Variants in EEA1 observed in about 807,000 individuals in gnomAD.
EEA1 encodes the protein early endosome antigen 1, 162kD.
In EEA1, 111 loss-of-function variants were observed where a neutral mutation model predicts 209.2. The ratio of observed to expected loss-of-function variants is 0.53; its 90% CI spans 0.45 to 0.62. EEA1 has a LOEUF of 0.62. Ranked by LOEUF, EEA1 falls within the 20% of genes least tolerant of loss-of-function variation. The probability of loss-of-function intolerance (pLI) is 0.00; values close to 1 mark genes in which losing one functional copy is unlikely to be tolerated. For missense variants in EEA1, 1,343 were observed against 1,530.8 expected, an observed-to-expected ratio of 0.88 and a Z score of 2.05; for synonymous variants, 536 against 540.6, an observed-to-expected ratio of 0.99 and a Z score of 0.12.
At chr12:92,798,158 T>C (rs1292153049) in intron 21 of EEA1, among the ~76,000 whole-genome samples, 3 of 152,060 alleles carry the variant, frequency 2.0e-5, no homozygotes, top group African/African-American at 7.2e-5. Context: ...ACCATTACAG[T>C]GTAACTTAAA....
In EEA1 at chr12:92,906,821, A is replaced by G. The variant is rs114881083; in HGVS notation, c.25-15100T>C. The stretch of plus-strand genomic sequence containing the variant: ...AGAGCTAGACTCTGTCTCAAAATAA[A>G]AAAAAAATTAAATAAAATGTAACTT... On this transcript the variant is annotated intron_variant, in intron 1 of 28. Coordinates refer to ENST00000322349, the MANE Select transcript of EEA1 (RefSeq NM_003566.4). 7.9e-3 allele frequency among the ~76,000 whole-genome samples: 1,209 copies of G among 152,230 alleles called. 14 individuals carry two copies. Among genetic ancestry groups the G allele is most frequent in the African/African-American group, 0.028 (1,148 of 41,526 alleles).
intron 1 of EEA1, among the ~76,000 whole-genome samples, chr12:92,928,804 G>A (rs939268566): frequency 1.3e-5 from 2 of 151,456 alleles, no homozygotes; most frequent in African/African-American, 4.8e-5. Context: ...GGAGCCCCGC[G>A]CCGGAGCGGG....
At chr12:92,812,737 A>T (rs894380378) in intron 16 of EEA1, among the ~76,000 whole-genome samples, 11 of 152,194 alleles carry the variant, frequency 7.2e-5, no homozygotes, top group Non-Finnish European at 4.4e-5. Flanking sequence ...GGAGAAGGAC[A>T]ATATCAGGAA....
intron 9 of EEA1, among the ~76,000 whole-genome samples, chr12:92,846,065 T>G (rs1877377560): frequency 6.6e-6 from 1 of 152,204 alleles, no homozygotes; most frequent in African/African-American, 2.4e-5. Flanking sequence ...AGAATTAAAA[T>G]TATTGTTTTA....
chr12:92,816,705 A>G (rs913650652), intron 14 of EEA1, among the ~76,000 whole-genome samples: 2 of 152,232 alleles, frequency 1.3e-5, no homozygotes, highest in African/African-American at 2.4e-5. Flanking sequence ...ACTAGCCATC[A>G]CCACAATCAA....
Position 92,816,417 on chromosome 12 carries a change from A to T in EEA1, c.1729-17T>A, listed in dbSNP as rs1875787440. 6.2e-7 allele frequency: 1 copy of T among 1,607,146 alleles called. No homozygotes were observed. The highest frequency in any genetic ancestry group is 2.2e-5 in the East Asian group (1 of 44,788). On this transcript the variant is annotated splice_polypyrimidine_tract_variant and intron_variant, in intron 14 of 28. Transcript: ENST00000322349. ...TTGAGTTACCTGTTATACAAGTAAG[A>T]CTAATCGTGAAGTTCACAAATGACA... is the stretch of plus-strand genomic sequence containing the variant.
intron 3 of EEA1, chr12:92,858,202 T>C (rs1185876387): frequency 5.7e-6 from 4 of 699,158 alleles, no homozygotes; most frequent in African/African-American, 3.5e-5. Context: ...AGTGAGGCTG[T>C]CCTTGATGCC....
intron 1 of EEA1, among the ~76,000 whole-genome samples, chr12:92,921,898 A>T (rs1881025602): frequency 6.6e-6 from 1 of 150,836 alleles, no homozygotes; most frequent in South Asian, 2.1e-4. Context: ...AAAAAAAGAA[A>T]AGAAAGCTAT....
chr12:92,807,315 C>T lies in EEA1; in HGVS notation c.2339+1702G>A, dbSNP rs191907026. 2.6e-5 allele frequency among the ~76,000 whole-genome samples: 4 copies of T among 152,130 alleles called. No individual in the cohort carries two copies. The East Asian group carries it at 7.7e-4, about 29-fold the overall frequency. Reference sequence around the variant, plus strand: ...GTCTTCAATCTGATAAAGGGAATCTCAGAAAAACCTACAGCTAACCTCAAA... The same window carrying T: ...GTCTTCAATCTGATAAAGGGAATCTTAGAAAAACCTACAGCTAACCTCAAA... On this transcript the variant is annotated intron_variant, in intron 18 of 28. Transcript: ENST00000322349.
At position 92,789,722 on chromosome 12, in the gene EEA1, T is replaced by C. The variant is rs546576127; in HGVS notation, c.2968-1673A>G. Among the ~76,000 whole-genome samples the C allele has an allele frequency of 2.2e-3, 328 of 152,292 alleles. 1 individual carries two copies. Among genetic ancestry groups the C allele is most frequent in the Non-Finnish European group, 2.4e-3 (166 of 68,018 alleles). ...GCTAAGCAAAAGGCAGCAGACAACT[T>C]CTGCAGACTTAAACGTCCCTGTCTG... is the stretch of plus-strand genomic sequence containing the variant. On this transcript the variant is annotated intron_variant, in intron 21 of 28. Transcript: ENST00000322349.
chr12:92,815,919 AAGAGCC>A (rs1209843088), intron 15 of EEA1, among the ~76,000 whole-genome samples: 2 of 151,790 alleles, frequency 1.3e-5, no homozygotes, highest in African/African-American at 4.8e-5. Flanking sequence ...ACCTGAGAGC[AAGAGCC>A]AGAGACAGAG....
rs1346593847 is a variant in EEA1, at chr12:92,816,232, T to C, written c.1897A>G (p.Ser633Gly). The change falls in exon 15 of 29, where the codon AGC becomes GGC. Residue 633 changes from serine to glycine, a missense_variant. Around this residue, in one of 3 missense-constraint regions of EEA1, gnomAD observed 1,307 missense variants for 1,465.5 expected, o/e 0.89. Transcript: ENST00000322349. ...TCAAGCTGGGAGACCTTCTCCTTGCTTTCATTTAATTGACTATTTAATTCA... is the reference window on the plus strand; with the variant it reads ...TCAAGCTGGGAGACCTTCTCCTTGCCTTCATTTAATTGACTATTTAATTCA... ...VNELNSQLNE[S>G]KEKVSQLDIQ... is the part of the protein sequence containing the mutation. 1.2e-6 allele frequency: 2 copies of C among 1,613,774 alleles called. No homozygotes were observed. Among genetic ancestry groups the C allele is most frequent in the African/African-American group, 1.3e-5 (1 of 74,918 alleles).
chr12:92,826,780 G>A (rs1165547109), intron 12 of EEA1, among the ~76,000 whole-genome samples: 1 of 151,026 alleles, frequency 6.6e-6, no homozygotes, highest in African/African-American at 2.4e-5. Context: ...TTAATCTCAT[G>A]TTAAAGAAAG....
intron 11 of EEA1, among the ~76,000 whole-genome samples, chr12:92,830,592 T>G (rs1307922461): frequency 6.6e-6 from 1 of 151,622 alleles, no homozygotes; most frequent in Non-Finnish European, 1.5e-5. Flanking sequence ...ATATTTCAGG[T>G]CAAGAAGACA....
chr12:92,872,957 C>CA (rs199746560), intron 2 of EEA1, among the ~76,000 whole-genome samples: 1,693 of 150,656 alleles, frequency 0.011, 99 homozygotes, highest in Admixed American at 0.097. Flanking sequence ...CTGTCTCAAA[C>CA]AAAAAAAAGA....
chr12:92,820,389 C>T (rs553268081), intron 13 of EEA1, among the ~76,000 whole-genome samples: 2 of 152,202 alleles, frequency 1.3e-5, no homozygotes, highest in African/African-American at 4.8e-5. Flanking sequence ...AGATCAGTCA[C>T]TTTCAAGCAT....
At chr12:92,856,357 A>G (rs952760260) in intron 5 of EEA1, among the ~76,000 whole-genome samples, 1 of 152,206 alleles carries the variant, frequency 6.6e-6, no homozygotes, top group African/African-American at 2.4e-5. Context: ...AGAATCTAAG[A>G]CATCAAAAAA....
At chr12:92,802,280 A>C (rs570100828) in intron 19 of EEA1, 124 bp downstream of exon 19, 2 of 889,294 alleles carry the variant, frequency 2.2e-6, no homozygotes, top group East Asian at 5.9e-5. Flanking sequence ...TAATTTCCTC[A>C]TAAGAACTAC....
chr12:92,872,053 T>TC (rs1443443946), intron 2 of EEA1, among the ~76,000 whole-genome samples: 1 of 149,760 alleles, frequency 6.7e-6, no homozygotes, highest in Non-Finnish European at 1.5e-5. Context: ...GCTAATTTTT[T>TC]TTTTTTTTTT....
Sources: gnomAD v4.1 joint callset for allele counts (sites outside exome capture counted in the v4.1 genomes callset) on GRCh38, gnomAD v4.1.1 for gene constraint, gnomAD v4.1.1 regional missense constraint, MANE v1.5 for transcripts, NCBI Gene and HGNC (gene_info 2026-07-23, HGNC 2026-07-21) for gene names.